DYRK1A: variants seen among roughly 807,000 people sequenced by gnomAD.
DYRK1A encodes the protein dual specificity tyrosine phosphorylation regulated kinase 1A, also known as dual specificity tyrosine-phosphorylation-regulated kinase 1A.
DYRK1A carries 9 observed loss-of-function variants against 79.7 expected under a neutral mutation model. That is an observed-to-expected ratio of 0.11 (90% CI 0.07 to 0.20). The LOEUF is 0.20. Among genes scored for constraint, DYRK1A ranks in the 10% least tolerant of loss-of-function variants. DYRK1A has a pLI of 1.00. For synonymous variants in DYRK1A, 349 were observed against 329.7 expected, an observed-to-expected ratio of 1.06 and a Z score of -0.63; for missense variants, 622 against 956.0, an observed-to-expected ratio of 0.65 and a Z score of 4.61.
At chr21:37,420,477 C>T in intron 2 of DYRK1A, 93 bp downstream of exon 2, 1 of 1,294,934 alleles carries the variant, frequency 7.7e-7, no homozygotes. Flanking sequence ...TGATAAATAG[C>T]AGTTAGTGGG....
rs1443930506 is a variant in DYRK1A, at chr21:37,512,962, T to C, written c.*431T>C. The C allele has an allele frequency of 1.9e-5, 3 of 161,844 alleles. No individual in the cohort carries two copies. The highest frequency in any genetic ancestry group is 4.1e-5 in the Non-Finnish European group (3 of 73,802). 10.0% of individuals were successfully genotyped at this position (161,844 alleles called of 1,614,324 possible). On this transcript the variant is annotated 3_prime_UTR_variant, in exon 12 of 12. Coordinates refer to ENST00000647188, the MANE Select transcript of DYRK1A (RefSeq NM_001347721.2). ...CTTTTTGTCCCCCCCATCCCCCTTT[T>C]TTTTTGTTTTGTTCTGTTTTGTTTT... is the stretch of plus-strand genomic sequence containing the variant.
Position 37,478,268 on chromosome 21 carries a change from G to A in DYRK1A, c.268G>A (p.Asp90Asn). The A allele has an allele frequency of 6.2e-7, 1 of 1,613,950 alleles. No individual in the cohort carries two copies. The highest frequency in any genetic ancestry group is 1.1e-5 in the South Asian group (1 of 91,066). The change falls in exon 4 of 12, where the codon GAC becomes AAC. Residue 90 changes from aspartate (D) to asparagine (N), a missense_variant. This residue lies in a region of DYRK1A where 91 missense variants were observed against 113.8 expected (regional missense o/e 0.80). Coordinates refer to ENST00000647188, the MANE Select transcript of DYRK1A (RefSeq NM_001347721.2). ...TGCTCCCCTGAGAAAACTTTCTGTT[G>A]ACTTGATCAAAACATACAAGCATAT... is the stretch of plus-strand genomic sequence containing the variant. ...ATAPLRKLSV[D>N]LIKTYKHINE... is the part of the protein sequence containing the mutation.
chr21:37,385,432 T>C (rs1357522894), intron 1 of DYRK1A, among the ~76,000 whole-genome samples: 2 of 152,182 alleles, frequency 1.3e-5, no homozygotes, highest in African/African-American at 4.8e-5. Context: ...TCAGCAAACA[T>C]TTGCCATCAG....
At chr21:37,386,480 C>T (rs2049762935) in intron 1 of DYRK1A, among the ~76,000 whole-genome samples, 1 of 152,182 alleles carries the variant, frequency 6.6e-6, no homozygotes, top group Non-Finnish European at 1.5e-5. Context: ...GGGATCTTTG[C>T]ACATCTAAAA....
chr21:37,425,067 A>G (rs1388494373), intron 2 of DYRK1A, among the ~76,000 whole-genome samples: 2 of 152,272 alleles, frequency 1.3e-5, no homozygotes, highest in African/African-American at 4.8e-5. Flanking sequence ...CCCTTTTCCT[A>G]ATAGTTTGGA....
chr21:37,500,643 G>C (rs962972119), intron 9 of DYRK1A, among the ~76,000 whole-genome samples: 12 of 152,034 alleles, frequency 7.9e-5, no homozygotes, highest in African/African-American at 2.9e-4. Flanking sequence ...TATGTTTTTT[G>C]ATGAAAATAT....
chr21:37,409,656 A>T (rs898852185), intron 1 of DYRK1A, among the ~76,000 whole-genome samples: 1 of 152,220 alleles, frequency 6.6e-6, no homozygotes, highest in Admixed American at 6.5e-5. Context: ...ATATATTTAT[A>T]AAAATTGCGA....
intron 1 of DYRK1A, among the ~76,000 whole-genome samples, chr21:37,409,750 C>G (rs2050210424): frequency 6.6e-6 from 1 of 151,994 alleles, no homozygotes; most frequent in Admixed American, 6.6e-5. Context: ...TAAATGCTTT[C>G]TTCGAGTGTT....
chr21:37,367,007 G>T lies in DYRK1A; in HGVS notation c.-698G>T. ...GGGCGCCGCCGCCGCCGCTTCTGCT[G>T]CTGCTGTTCCTGCTGCTGCTGTTGG... On this transcript the variant is annotated 5_prime_UTR_variant, in exon 1 of 12. Transcript: ENST00000647188. The T allele has an allele frequency of 6.1e-6, 1 of 165,026 alleles. No homozygotes were observed. The highest frequency in any genetic ancestry group is 1.3e-4 in the South Asian group (1 of 7,930). The allele number at this position is 165,026 out of a possible 1,614,324, so 10.2% of individuals were successfully genotyped here.
At chr21:37,403,591 G>A (rs1031075565) in intron 1 of DYRK1A, among the ~76,000 whole-genome samples, 3 of 149,256 alleles carry the variant, frequency 2.0e-5, no homozygotes, top group Non-Finnish European at 4.4e-5. Context: ...TCAGCCTCCT[G>A]AATAACTGGG....
intron 8 of DYRK1A, among the ~76,000 whole-genome samples, chr21:37,493,454 A>G (rs775267699): frequency 6.6e-6 from 1 of 152,238 alleles, no homozygotes; most frequent in Non-Finnish European, 1.5e-5. Context: ...AAGCTTAAAG[A>G]TGATAAAGAA....
intron 11 of DYRK1A, among the ~76,000 whole-genome samples, chr21:37,506,737 T>G (rs978267847): frequency 3.9e-5 from 6 of 152,362 alleles, no homozygotes; most frequent in Non-Finnish European, 1.5e-5. Flanking sequence ...TTTTTCAAAA[T>G]TGGAGTGAAG....
upstream of DYRK1A, chr21:37,365,723 G>A (rs1041743084): frequency 6.6e-6 from 1 of 152,288 alleles, no homozygotes; most frequent in Non-Finnish European, 1.5e-5. Flanking sequence ...TGGAAACCGA[G>A]AAGGTGTATA....
At position 37,475,732 on chromosome 21, in the gene DYRK1A, G is replaced by A. The variant is rs552945519; in HGVS notation, c.208-2476G>A. The stretch of plus-strand genomic sequence containing the variant: ...AGCACACAGCACACACTCATATTGA[G>A]TGCAGAAATTTGATCATGTAACTCA... On this transcript the variant is annotated intron_variant, in intron 3 of 11. Coordinates refer to ENST00000647188, the MANE Select transcript of DYRK1A (RefSeq NM_001347721.2). Among the ~76,000 whole-genome samples the A allele has an allele frequency of 6.6e-5, 10 of 152,290 alleles. No individual in the cohort carries two copies. The East Asian group carries it at 1.7e-3, about 26-fold the overall frequency.
At chr21:37,478,165 T>C in intron 3 of DYRK1A, 43 bp from the exon 4 acceptor site, 1 of 1,610,690 alleles carries the variant, frequency 6.2e-7, no homozygotes, top group Non-Finnish European at 8.5e-7. Flanking sequence ...GTGCTAGTCT[T>C]TTCTGTCTAT....
intron 11 of DYRK1A, among the ~76,000 whole-genome samples, chr21:37,506,587 T>G (rs1444571005): frequency 6.6e-6 from 1 of 152,234 alleles, no homozygotes; most frequent in African/African-American, 2.4e-5. Context: ...TCTGAATGAC[T>G]CGACTCTGCT....
At chr21:37,376,975 G>T (rs1032760705) in intron 1 of DYRK1A, among the ~76,000 whole-genome samples, 3 of 152,118 alleles carry the variant, frequency 2.0e-5, no homozygotes, top group African/African-American at 7.2e-5. Context: ...TATGTATTGT[G>T]TTAGAAAACT....
chr21:37,504,897 T>C (rs1487910526), intron 9 of DYRK1A: 1 of 174,400 alleles, frequency 5.7e-6, no homozygotes, highest in African/African-American at 2.4e-5. Context: ...GCATGTTCTC[T>C]GTAAAAGATG....
At chr21:37,428,450 T>TTAC (rs1403068816) in intron 2 of DYRK1A, among the ~76,000 whole-genome samples, 1 of 152,132 alleles carries the variant, frequency 6.6e-6, no homozygotes, top group Admixed American at 6.5e-5. Flanking sequence ...CATAAATGAG[T>TTAC]TACTCTTTGG....
Sources: allele counts gnomAD v4.1 joint callset (sites outside exome capture counted in the v4.1 genomes callset), GRCh38; gene constraint gnomAD v4.1.1; regional missense constraint gnomAD v4.1.1; transcripts MANE v1.5; gene names NCBI Gene and HGNC (gene_info 2026-07-23, HGNC 2026-07-21).